GRAMD1C: variants seen among roughly 807,000 people sequenced by gnomAD.
GRAMD1C encodes protein Aster-C.
Under a neutral mutation model 97.8 loss-of-function variants are expected in GRAMD1C, and 89 were observed. The ratio of observed to expected loss-of-function variants is 0.91; its 90% CI spans 0.77 to 1.09. The LOEUF (loss-of-function observed/expected upper bound fraction) is 1.09. Ranked by LOEUF, GRAMD1C falls within the 50% of genes least tolerant of loss-of-function variation. The pLI, the probability that GRAMD1C is intolerant of heterozygous loss-of-function variation, is 0.00. For synonymous variants in GRAMD1C, 256 were observed against 267.0 expected (o/e 0.96, Z 0.40); for missense variants, 740 against 766.4 (o/e 0.97, Z 0.41).
intron 10 of GRAMD1C, among the ~76,000 whole-genome samples, chr3:113,924,091 GTT>G (rs34202021): frequency 1.8e-4 from 24 of 133,674 alleles, no homozygotes; most frequent in Non-Finnish European, 3.2e-4. Flanking sequence ...AGTCTCTGGG[GTT>G]TTTTTTTTTT....
chr3:113,904,226 G>A lies in GRAMD1C; in HGVS notation c.743G>A (p.Ser248Asn), dbSNP rs757380657. Residue 248 changes from serine to asparagine, a missense_variant, in exon 8 of 18, where the codon AGT becomes AAT. Ser to Asn is a conservative substitution (Grantham distance 46). Coordinates refer to ENST00000358160, the MANE Select transcript of GRAMD1C (RefSeq NM_017577.5). Reference protein sequence around the residue: ...KSISFTSESISRVSETESFDG... With the variant: ...KSISFTSESINRVSETESFDG... The stretch of plus-strand genomic sequence containing the variant: ...ATCAGTTTTACCAGTGAATCAATTA[G>A]TCGGGTTTCAGAAACAGAGTCATTC... 1 of 1,608,978 alleles carries A rather than the reference G, an allele frequency of 6.2e-7. No homozygotes were observed. The highest frequency in any genetic ancestry group is 8.5e-7 in the Non-Finnish European group (1 of 1,175,448).
chr3:113,894,305 G>C (rs769421634), intron 6 of GRAMD1C, among the ~76,000 whole-genome samples: 1 of 151,622 alleles, frequency 6.6e-6, no homozygotes, highest in African/African-American at 2.4e-5. Context: ...TTGAAATGGA[G>C]TCTTGCTCTG....
At chr3:113,837,053 A>G (rs1029266113), upstream of GRAMD1C, among the ~76,000 whole-genome samples, 10 of 152,004 alleles carry the variant, frequency 6.6e-5, no homozygotes, top group African/African-American at 2.4e-4. Context: ...CTATTCCTCA[A>G]TTGTTCTAGA....
intron 6 of GRAMD1C, chr3:113,890,608 A>G (rs1165147670): frequency 1.8e-6 from 1 of 567,750 alleles, no homozygotes; most frequent in African/African-American, 1.9e-5. Context: ...GGACCTGGCT[A>G]CCCCACCCCA....
intron 6 of GRAMD1C, chr3:113,897,722 C>T (rs1935996167): frequency 2.0e-6 from 2 of 984,216 alleles, no homozygotes; most frequent in Non-Finnish European, 2.4e-6. Context: ...GATCTTCTGA[C>T]TTTTGAGCCT....
intron 3 of GRAMD1C, among the ~76,000 whole-genome samples, chr3:113,871,494 C>T (rs915229363): frequency 6.6e-6 from 1 of 151,796 alleles, no homozygotes. Flanking sequence ...GTAGTGAGAC[C>T]TCATCTCTAC....
At chr3:113,922,615 A>G (rs1375025649) in intron 10 of GRAMD1C, among the ~76,000 whole-genome samples, 2 of 152,054 alleles carry the variant, frequency 1.3e-5, no homozygotes, top group Non-Finnish European at 2.9e-5. Flanking sequence ...TGGGCTCTCT[A>G]TTCTGTTCCA....
At chr3:113,875,752 A>C (rs1251663489) in intron 4 of GRAMD1C, 165 bp downstream of exon 4, 1 of 464,272 alleles carries the variant, frequency 2.2e-6, no homozygotes, top group African/African-American at 2.0e-5. Context: ...ATAAGTGTAT[A>C]ATATATTTTT....
chr3:113,920,133 G>GA, intron 10 of GRAMD1C: 1 of 1,399,534 alleles, frequency 7.1e-7, no homozygotes, highest in East Asian at 2.3e-5. Context: ...AGGAAACAGA[G>GA]AAAAAACTTT....
chr3:113,932,401 G>C (rs79970762), intron 11 of GRAMD1C, among the ~76,000 whole-genome samples: 10,331 of 152,230 alleles, frequency 0.068, 495 homozygotes, highest in African/African-American at 0.13. Flanking sequence ...AAAAGGTATG[G>C]TTAAAATGAG....
chr3:113,884,542 GA>G (rs1424893421), intron 6 of GRAMD1C, among the ~76,000 whole-genome samples: 1 of 152,108 alleles, frequency 6.6e-6, no homozygotes, highest in Non-Finnish European at 1.5e-5. Flanking sequence ...TCTGCCTTAA[GA>G]AATTAGAGGC....
At chr3:113,930,654 A>C in intron 10 of GRAMD1C, 60 bp from the exon 11 acceptor site, 1 of 882,484 alleles carries the variant, frequency 1.1e-6, no homozygotes, top group Non-Finnish European at 1.9e-6. Context: ...CTTTGATTTC[A>C]TTTAATGTCA....
chr3:113,830,840 C>A (rs1056340272), intron 1 of GRAMD1C, among the ~76,000 whole-genome samples: 11 of 152,062 alleles, frequency 7.2e-5, no homozygotes, highest in African/African-American at 2.4e-4. Flanking sequence ...GACTCATGCC[C>A]GTAATCCCAG....
At chr3:113,854,459 G>A (rs559398845) in intron 2 of GRAMD1C, among the ~76,000 whole-genome samples, 1 of 152,276 alleles carries the variant, frequency 6.6e-6, no homozygotes, top group East Asian at 1.9e-4. Context: ...TGTCCTCAAA[G>A]GCAAGTGAAG....
At chr3:113,860,623 A>C (rs1934329136) in intron 2 of GRAMD1C, among the ~76,000 whole-genome samples, 1 of 152,196 alleles carries the variant, frequency 6.6e-6, no homozygotes, top group Non-Finnish European at 1.5e-5. Flanking sequence ...CCCAGTTTTG[A>C]GGATTACTAC....
At chr3:113,845,164 G>T (rs13079300) in intron 2 of GRAMD1C, among the ~76,000 whole-genome samples, 53,182 of 151,992 alleles carry the variant, frequency 0.35, 9,557 homozygotes, top group Admixed American at 0.41. Flanking sequence ...TTCCCCACTG[G>T]AAAATGAGAC....
chr3:113,890,772 A>G (rs1284355281), intron 6 of GRAMD1C: 2 of 698,332 alleles, frequency 2.9e-6, no homozygotes, highest in East Asian at 2.7e-5. Context: ...GAGTTGGGAT[A>G]TGTCCTTATA....
chr3:113,847,490 A>G (rs1933662968), intron 2 of GRAMD1C, among the ~76,000 whole-genome samples: 1 of 152,226 alleles, frequency 6.6e-6, no homozygotes, highest in African/African-American at 2.4e-5. Flanking sequence ...TTGGCTCTAA[A>G]TAGTACTGTA....
At chr3:113,891,982 G>A (rs1488304785) in intron 6 of GRAMD1C, among the ~76,000 whole-genome samples, 1 of 151,826 alleles carries the variant, frequency 6.6e-6, no homozygotes, top group Non-Finnish European at 1.5e-5. Flanking sequence ...TGCATGAGAA[G>A]GCCTTTAAAA....
Sources: gnomAD v4.1 joint callset for allele counts (sites outside exome capture counted in the v4.1 genomes callset) on GRCh38, gnomAD v4.1.1 for gene constraint, MANE v1.5 for transcripts, NCBI Gene and HGNC (gene_info 2026-07-23, HGNC 2026-07-21) for gene names.